Variants in PRR16 observed in about 807,000 individuals in gnomAD.
PRR16 encodes the protein protein Largen.
In PRR16, 6 loss-of-function variants were observed where a neutral mutation model predicts 18.2. The ratio of observed to expected loss-of-function variants is 0.33; its 90% confidence interval spans 0.18 to 0.65. The LOEUF (loss-of-function observed/expected upper bound fraction) is 0.65, where lower values mean the gene tolerates loss of function less well. PRR16 is among the 30% of genes least tolerant of loss of function. The pLI is 0.74. For missense variants in PRR16, 412 were observed against 376.6 expected (o/e 1.09, Z -0.78); for synonymous variants, 151 against 147.8 (o/e 1.02, Z -0.16).
chr5:120,538,340 A>G (rs1751796078), intron 1 of PRR16, among the ~76,000 whole-genome samples: 2 of 152,330 alleles, frequency 1.3e-5, no homozygotes, highest in South Asian at 4.1e-4. Context: ...TAGCATTTTC[A>G]GTTGTATTTC....
intron 1 of PRR16, among the ~76,000 whole-genome samples, chr5:120,543,819 A>G (rs1206094540): frequency 6.6e-6 from 1 of 152,192 alleles, no homozygotes; most frequent in Non-Finnish European, 1.5e-5. Context: ...ACTTCTCATC[A>G]TGGAGCTATT....
At chr5:120,672,778 G>T (rs557735618) in intron 1 of PRR16, among the ~76,000 whole-genome samples, 1 of 152,092 alleles carries the variant, frequency 6.6e-6, no homozygotes, top group Admixed American at 6.5e-5. Context: ...TCACAAATAC[G>T]AAAAGAGATT....
chr5:120,541,199 A>G (rs1050016391), intron 1 of PRR16, among the ~76,000 whole-genome samples: 1 of 151,918 alleles, frequency 6.6e-6, no homozygotes, highest in Admixed American at 6.6e-5. Context: ...CAGGTTGGAG[A>G]GCAGTAGCGC....
chr5:120,770,906 A>G, the PRR16 span, among the ~76,000 whole-genome samples: 2 of 141,992 alleles, frequency 1.4e-5, no homozygotes, highest in Non-Finnish European at 3.0e-5. Flanking sequence ...TAACTCTGTG[A>G]GTATTTGACT....
chr5:120,770,409 C>T, the PRR16 span, among the ~76,000 whole-genome samples: 2 of 151,906 alleles, frequency 1.3e-5, no homozygotes, highest in African/African-American at 4.8e-5. Context: ...TTACATTATA[C>T]AGAAAAATCA....
intron 1 of PRR16, among the ~76,000 whole-genome samples, chr5:120,596,512 T>A (rs916325531): frequency 1.2e-4 from 18 of 151,860 alleles, no homozygotes; most frequent in African/African-American, 2.9e-4. Context: ...CTTCATTTTT[T>A]TAACATAATG....
intron 1 of PRR16, among the ~76,000 whole-genome samples, chr5:120,528,073 T>G (rs1294921486): frequency 6.6e-6 from 1 of 152,142 alleles, no homozygotes; most frequent in Non-Finnish European, 1.5e-5. Flanking sequence ...GTCTTAATAG[T>G]GATAGGATGC....
chr5:120,638,311 T>C (rs13359996), intron 1 of PRR16, among the ~76,000 whole-genome samples: 8,954 of 152,216 alleles, frequency 0.059, 321 homozygotes, highest in South Asian at 0.084. Context: ...TCACAGGTTA[T>C]TTCGCCAAGG....
At chr5:120,660,204 A>C (rs899149802) in intron 1 of PRR16, among the ~76,000 whole-genome samples, 2 of 152,124 alleles carry the variant, frequency 1.3e-5, no homozygotes, top group Admixed American at 1.3e-4. Context: ...GTCCTCAAAC[A>C]TATATGTTAC....
At position 120,539,204 on chromosome 5, in the gene PRR16, T is replaced by C. The variant is rs76774606; in HGVS notation, c.159+74559T>C. Among the ~76,000 whole-genome samples, 63 of 151,990 alleles carry C rather than the reference T, an allele frequency of 4.1e-4. No individual in the cohort carries two copies. In the East Asian group the frequency reaches 0.012, roughly 28 times the overall value. ...GAATGCTAGGTTTTTAAAATCATAG[T>C]ATTGGCAAAACAAAGAAACAGTAAA... On this transcript the variant is annotated intron_variant, in intron 1 of 1. Coordinates refer to ENST00000407149, the MANE Select transcript of PRR16 (RefSeq NM_001300783.2).
At chr5:120,646,154 G>A (rs908895476) in intron 1 of PRR16, among the ~76,000 whole-genome samples, 10 of 149,600 alleles carry the variant, frequency 6.7e-5, no homozygotes, top group South Asian at 2.1e-4. Context: ...ACAGGCAGGG[G>A]AAAATGACAA....
At chr5:120,779,795 T>G in the PRR16 span, among the ~76,000 whole-genome samples, 6 of 152,282 alleles carry the variant, frequency 3.9e-5, no homozygotes, top group East Asian at 1.2e-3. Flanking sequence ...TCTTGGCATA[T>G]CTGCTACTGC....
At chr5:120,585,299 T>C (rs1051517882) in intron 1 of PRR16, among the ~76,000 whole-genome samples, 1 of 152,074 alleles carries the variant, frequency 6.6e-6, no homozygotes, top group African/African-American at 2.4e-5. Context: ...AGGACAAGGT[T>C]TTCTGTTTGG....
chr5:120,503,811 C>G (rs1457350182), intron 1 of PRR16, among the ~76,000 whole-genome samples: 5 of 150,364 alleles, frequency 3.3e-5, no homozygotes, highest in African/African-American at 7.3e-5. Flanking sequence ...CACAACAGTC[C>G]CCAGAGTGTG....
At chr5:120,571,696 T>C (rs1752911813) in intron 1 of PRR16, among the ~76,000 whole-genome samples, 1 of 152,170 alleles carries the variant, frequency 6.6e-6, no homozygotes, top group African/African-American at 2.4e-5. Flanking sequence ...TATGAGCTGG[T>C]TATCTATCAC....
chr5:120,650,811 A>G (rs923630195), intron 1 of PRR16, among the ~76,000 whole-genome samples: 2 of 152,150 alleles, frequency 1.3e-5, no homozygotes, highest in African/African-American at 2.4e-5. Context: ...TCTTTATAGC[A>G]GCATGATTTA....
chr5:120,540,822 C>G (rs887245510), intron 1 of PRR16, among the ~76,000 whole-genome samples: 2 of 151,802 alleles, frequency 1.3e-5, no homozygotes, highest in Non-Finnish European at 2.9e-5. Context: ...GATCAACACT[C>G]TCTTTTTGCT....
At chr5:120,523,736 G>C (rs1372610575) in intron 1 of PRR16, among the ~76,000 whole-genome samples, 1 of 151,880 alleles carries the variant, frequency 6.6e-6, no homozygotes, top group East Asian at 1.9e-4. Flanking sequence ...ATCTTTTCTA[G>C]TGAAAGTCAC....
chr5:120,767,161 AG>A, the PRR16 span, among the ~76,000 whole-genome samples: 3 of 151,940 alleles, frequency 2.0e-5, no homozygotes, highest in Admixed American at 6.6e-5. Flanking sequence ...ATAATTTTAA[AG>A]GGTTAAAAGT....
Sources: allele counts gnomAD v4.1 joint callset (sites outside exome capture counted in the v4.1 genomes callset), GRCh38; gene constraint gnomAD v4.1.1; transcripts MANE v1.5; gene names NCBI Gene and HGNC (gene_info 2026-07-23, HGNC 2026-07-21).